USP42: variants seen among roughly 807,000 people sequenced by gnomAD.
The protein encoded by USP42 is ubiquitin carboxyl-terminal hydrolase 42.
Under a neutral mutation model 113.0 loss-of-function variants are expected in USP42, and 23 were observed. That is an observed-to-expected ratio of 0.20 (90% CI 0.15 to 0.29). The LOEUF (loss-of-function observed/expected upper bound fraction) is 0.29. Ranked by LOEUF, USP42 falls within the 10% of genes least tolerant of loss-of-function variation. The pLI, the probability that USP42 is intolerant of heterozygous loss-of-function variation, is 1.00. For missense variants in USP42, 2,174 were observed against 1,779.8 expected (o/e 1.22, Z -3.99); for synonymous variants, 933 against 699.0 (o/e 1.33, Z -5.28).
intron 3 of USP42, among the ~76,000 whole-genome samples, chr7:6,131,266 A>C (rs1437573686): frequency 6.6e-6 from 1 of 152,142 alleles, no homozygotes; most frequent in Non-Finnish European, 1.5e-5. Context: ...ACTTGAGCCC[A>C]GGAGTCCGAG....
At position 6,154,033 on chromosome 7, in the gene USP42, G is replaced by C. The variant is rs762067432; in HGVS notation, c.2479G>C (p.Asp827His). 3.1e-6 allele frequency: 5 copies of C among 1,605,054 alleles called. No homozygotes were observed. The highest frequency in any genetic ancestry group is 3.3e-5 in the Admixed American group (2 of 60,004). Residue 827 changes from aspartate to histidine, a missense_variant, in exon 15 of 18, where the codon GAT (aspartate) becomes CAT (histidine). Transcript: ENST00000306177. ...DLCDPGSLTGDASPLSQDAKG... is the reference protein window; with the variant it reads ...DLCDPGSLTGHASPLSQDAKG... The stretch of plus-strand genomic sequence containing the variant: ...GTGTGATCCCGGGAGCTTAACAGGC[G>C]ATGCGAGCCCGTTGTCCCAGGACGC...
At position 6,156,858 on chromosome 7, in the gene USP42, A is replaced by G; in HGVS notation, c.3746A>G (p.Asp1249Gly). 1 of 1,610,768 alleles carries G rather than the reference A, an allele frequency of 6.2e-7. No homozygotes were observed. Reference sequence around the variant, plus strand: ...AAGAGACATTCAAGAAAATCAGAGGACTTTGTTAAAGATTCAGAACTGCAC... The same window carrying G: ...AAGAGACATTCAAGAAAATCAGAGGGCTTTGTTAAAGATTCAGAACTGCAC... Reference protein sequence around the residue: ...KKKRHSRKSEDFVKDSELHLP... With the variant: ...KKKRHSRKSEGFVKDSELHLP... Residue 1249 changes from aspartate to glycine, a missense_variant, in exon 16 of 18, where the codon GAC becomes GGC. Transcript: ENST00000306177.
At position 6,154,594 on chromosome 7, in the gene USP42, C is replaced by T; in HGVS notation, c.3040C>T (p.Leu1014=). Residue 1014 remains leucine, a synonymous_variant, in exon 15 of 18, where the codon CTG becomes TTG. Transcript: ENST00000306177. Reference sequence around the variant, plus strand: ...GCTCAGCCCTGGCGAGCGCCGCTCTCTGGGCAGGTGCAGTCACCACCACTC... The same window carrying T: ...GCTCAGCCCTGGCGAGCGCCGCTCTTTGGGCAGGTGCAGTCACCACCACTC... ...DRLSPGERRS[L]GRCSHHHSRH... is the part of the protein sequence containing the mutation. 1 of 1,579,106 alleles carries T rather than the reference C, an allele frequency of 6.3e-7. No homozygotes were observed. The highest frequency in any genetic ancestry group is 1.2e-5 in the South Asian group (1 of 86,104).
upstream of USP42, among the ~76,000 whole-genome samples, chr7:6,103,995 C>T (rs761063985): frequency 6.0e-5 from 9 of 151,026 alleles, no homozygotes; most frequent in Non-Finnish European, 1.2e-4. Flanking sequence ...AAGACAGGAA[C>T]ATCGCTTGAG....
At chr7:6,126,487 G>A (rs62454269) in intron 3 of USP42, among the ~76,000 whole-genome samples, 6 of 152,004 alleles carry the variant, frequency 3.9e-5, no homozygotes, top group East Asian at 1.9e-4. Flanking sequence ...GGGTTTCACC[G>A]TGTTAGCCAG....
At chr7:6,100,210 A>C (rs1293072026), upstream of USP42, among the ~76,000 whole-genome samples, 1 of 150,654 alleles carries the variant, frequency 6.6e-6, no homozygotes, top group African/African-American at 2.5e-5. Flanking sequence ...GAGAGATTGA[A>C]TAAGCCAACA....
intron 3 of USP42, among the ~76,000 whole-genome samples, chr7:6,133,189 T>C (rs1019616638): frequency 2.6e-5 from 4 of 152,230 alleles, no homozygotes; most frequent in African/African-American, 9.6e-5. Context: ...TATAGACTCA[T>C]GTGAACTGAC....
chr7:6,115,502 T>A lies in USP42; in HGVS notation c.421T>A (p.Ser141Thr). ...ACCACCTCTTGCCAATTACATGCTA[T>A]CACATGAACACTCCAAAACATGTAA... ...YTPPLANYML[S>T]HEHSKTCHAE... is the part of the protein sequence containing the mutation. The change falls in exon 3 of 18, where the codon TCA becomes ACA. Residue 141 changes from serine to threonine, a missense_variant. Physicochemically the swap from Ser to Thr is moderately conservative, Grantham distance 58 (BLOSUM62 1). Transcript: ENST00000306177. 1 of 1,614,058 alleles carries A rather than the reference T, an allele frequency of 6.2e-7. No individual in the cohort carries two copies. The highest frequency in any genetic ancestry group is 8.5e-7 in the Non-Finnish European group (1 of 1,179,898).
intron 3 of USP42, among the ~76,000 whole-genome samples, chr7:6,117,254 A>G (rs1470125793): frequency 6.6e-6 from 1 of 152,030 alleles, no homozygotes; most frequent in African/African-American, 2.4e-5. Context: ...ACTATAGATG[A>G]ATTAGTTTAG....
chr7:6,081,379 C>A, the USP42 span: 1 of 152,168 alleles, frequency 6.6e-6, no homozygotes, highest in Non-Finnish European at 1.5e-5. Context: ...AGGTAGATGG[C>A]GGGCGGCGCA....
At chr7:6,125,180 CAACAAAAAAA>C (rs1780459840) in intron 3 of USP42, among the ~76,000 whole-genome samples, 1 of 54,016 alleles carries the variant, frequency 1.9e-5, no homozygotes, top group African/African-American at 8.1e-5. Flanking sequence ...GACTCTGTCT[CAACAAAAAAA>C]AAAAAAAAAA....
At chr7:6,104,335 G>A (rs1442483871), upstream of USP42, among the ~76,000 whole-genome samples, 1 of 152,012 alleles carries the variant, frequency 6.6e-6, no homozygotes. Context: ...GCCCGCCTCG[G>A]CCTCCCAGAA....
In USP42 at chr7:6,154,304, A is replaced by G; in HGVS notation, c.2750A>G (p.Glu917Gly). The G allele has an allele frequency of 1.9e-6, 3 of 1,584,236 alleles. No homozygotes were observed. Among genetic ancestry groups the G allele is most frequent in the Non-Finnish European group, 2.6e-6 (3 of 1,165,836 alleles). Residue 917 changes from glutamate (E) to glycine (G), a missense_variant, in exon 15 of 18, where the codon GAG (glutamate) becomes GGG (glycine). Coordinates refer to ENST00000306177, the MANE Select transcript of USP42 (RefSeq NM_032172.3). ...APAGHPEGDA[E>G]PSPGERVEDA... ...GCCGGTCACCCGGAAGGGGACGCTG[A>G]GCCTAGCCCCGGCGAGAGGGTCGAG...
Position 6,159,025 on chromosome 7 carries a change from G to A in USP42, c.3944-425G>A, listed in dbSNP as rs1782620754. Among the ~76,000 whole-genome samples the A allele has an allele frequency of 6.6e-6, 1 of 152,196 alleles. No individual in the cohort carries two copies. Among genetic ancestry groups the A allele is most frequent in the African/African-American group, 2.4e-5 (1 of 41,448 alleles). Reference sequence around the variant, plus strand: ...GCAGCTGGCGCTTCTGCTGCGAGCAGACTGAGGAGCCTTTCTTGTCCTTCT... The same window carrying A: ...GCAGCTGGCGCTTCTGCTGCGAGCAAACTGAGGAGCCTTTCTTGTCCTTCT... On this transcript the variant is annotated intron_variant, in intron 16 of 17. Transcript: ENST00000306177. The surrounding 1 kb of genome is among the most constrained non-coding windows in gnomAD (Gnocchi z 4.1).
intron 3 of USP42, among the ~76,000 whole-genome samples, chr7:6,117,519 C>T (rs951121800): frequency 1.3e-5 from 2 of 152,156 alleles, no homozygotes; most frequent in African/African-American, 4.8e-5. Context: ...GCAAACAAGC[C>T]TTTGTTAGGA....
chr7:6,083,865 A>G, the USP42 span, among the ~76,000 whole-genome samples: 5 of 150,832 alleles, frequency 3.3e-5, no homozygotes, highest in Middle Eastern at 6.3e-3. Flanking sequence ...CCAAGGGGAC[A>G]TATTCTGGGG....
chr7:6,154,416 C>G lies in USP42; in HGVS notation c.2862C>G (p.Arg954=). ...SLRKVDRGHY[R]SRRERSSSGE... ...GAAAGGTGGACCGAGGCCACTACCG[C>G]AGCCGGAGAGAGCGCTCGTCCAGCG... Residue 954 remains arginine (R), a synonymous_variant, in exon 15 of 18, where the codon CGC becomes CGG. Coordinates refer to ENST00000306177, the MANE Select transcript of USP42 (RefSeq NM_032172.3). The G allele has an allele frequency of 6.3e-7, 1 of 1,576,232 alleles. No individual in the cohort carries two copies. Among genetic ancestry groups the G allele is most frequent in the Non-Finnish European group, 8.6e-7 (1 of 1,162,672 alleles).
the USP42 span, among the ~76,000 whole-genome samples, chr7:6,091,081 G>A: frequency 1.4e-4 from 21 of 150,892 alleles, 1 homozygote; most frequent in African/African-American, 5.2e-4. Context: ...TCTTCATTAA[G>A]TCCTCCAACT....
At chr7:6,133,808 C>T (rs1780981179) in intron 3 of USP42, among the ~76,000 whole-genome samples, 1 of 152,158 alleles carries the variant, frequency 6.6e-6, no homozygotes, top group South Asian at 2.1e-4. Flanking sequence ...GCGTAAGCCA[C>T]CGCACCTGGT....
Sources: allele counts gnomAD v4.1 joint callset (sites outside exome capture counted in the v4.1 genomes callset), GRCh38; gene constraint gnomAD v4.1.1; non-coding constraint Gnocchi (gnomAD v3.1); transcripts MANE v1.5; gene names NCBI Gene and HGNC (gene_info 2026-07-23, HGNC 2026-07-21).